Variants in CDH12 observed in about 807,000 individuals in gnomAD.
CDH12 encodes cadherin-12.
In CDH12, 41 loss-of-function variants were observed where a neutral mutation model predicts 74.1. The observed-to-expected ratio is 0.55, with a 90% CI of 0.43 to 0.72. The LOEUF (loss-of-function observed/expected upper bound fraction) is 0.72. Ranked by LOEUF, CDH12 falls within the 30% of genes least tolerant of loss-of-function variation. The pLI is 0.00. For missense variants in CDH12, 945 were observed against 977.2 expected (o/e 0.97, Z 0.44); for synonymous variants, 399 against 355.0 (o/e 1.12, Z -1.39).
chr5:22,368,421 C>T (rs1011397811), intron 3 of CDH12, among the ~76,000 whole-genome samples: 1 of 151,844 alleles, frequency 6.6e-6, no homozygotes, highest in Non-Finnish European at 1.5e-5. Flanking sequence ...AAGTCAGTCT[C>T]CCAAGTTGCT....
chr5:22,625,841 G>A (rs559716941), intron 1 of CDH12, among the ~76,000 whole-genome samples: 1 of 152,214 alleles, frequency 6.6e-6, no homozygotes, highest in Non-Finnish European at 1.5e-5. Flanking sequence ...GACTCAACCA[G>A]CCCACTTTCA....
chr5:21,906,690 G>A (rs1264544064), intron 6 of CDH12, among the ~76,000 whole-genome samples: 3 of 152,160 alleles, frequency 2.0e-5, no homozygotes, highest in African/African-American at 4.8e-5. Flanking sequence ...ACCTGTCACC[G>A]TTTGTGAGTC....
In CDH12 at chr5:21,752,003, T is replaced by G. The variant is rs752645141; in HGVS notation, c.2119A>C (p.Met707Leu). The change falls in exon 15 of 15, where the codon ATG (methionine) becomes CTG (leucine). Residue 707 changes from methionine (M) to leucine (L), a missense_variant. By Grantham distance (15) the Met-to-Leu change is conservative. This residue lies in a region of CDH12 where 791 missense variants were observed against 792.8 expected (regional missense o/e 1.00). Transcript: ENST00000382254. ...TCCCTTATGTCTGTGTTATCTTCCA[T>G]GGGTGGTCTCTGACGAGGTAAACAG... ...SLCLPRQRPP[M>L]EDNTDIRDFI... 4 of 1,614,098 alleles carry G rather than the reference T, an allele frequency of 2.5e-6. No individual in the cohort carries two copies. Among genetic ancestry groups the G allele is most frequent in the Non-Finnish European group, 2.5e-6 (3 of 1,179,984 alleles).
Position 21,764,997 on chromosome 5 carries a change from TCA to T in CDH12, c.1494_1495del (p.Cys498Ter). ...AGATACCTGTCCTGGCTTGGCATTT[TCA>T]CACACGGCTGTCTCATATGGCACAG... On this transcript the variant is annotated stop_gained and frameshift_variant, in exon 12 of 15. Transcript: ENST00000382254. LOFTEE classifies it high-confidence loss of function. 1.2e-6 allele frequency: 2 copies of T among 1,613,794 alleles called. No individual in the cohort carries two copies. The highest frequency in any genetic ancestry group is 1.1e-5 in the South Asian group (1 of 91,064).
chr5:22,359,238 T>C (rs1740694613), intron 3 of CDH12, among the ~76,000 whole-genome samples: 1 of 152,070 alleles, frequency 6.6e-6, no homozygotes, highest in Non-Finnish European at 1.5e-5. Flanking sequence ...GAGGAAGATC[T>C]ACCAAGCAAA....
intron 5 of CDH12, among the ~76,000 whole-genome samples, chr5:22,028,074 C>A (rs1390173446): frequency 6.6e-6 from 1 of 151,892 alleles, no homozygotes; most frequent in African/African-American, 2.4e-5. Flanking sequence ...CGTTATGTAC[C>A]CAGTAGTCAT....
chr5:22,100,833 G>T (rs1313356912), intron 4 of CDH12, among the ~76,000 whole-genome samples: 1 of 151,944 alleles, frequency 6.6e-6, no homozygotes, highest in African/African-American at 2.4e-5. Flanking sequence ...GGATATAAAT[G>T]GGTTTTCTTA....
intron 4 of CDH12, among the ~76,000 whole-genome samples, chr5:22,179,597 A>G (rs73742058): frequency 0.043 from 6,519 of 152,234 alleles, 471 homozygotes; most frequent in African/African-American, 0.15. Context: ...CCTTAAGAAC[A>G]ACTTTTTAGC....
chr5:22,565,855 T>C (rs965783886), intron 1 of CDH12, among the ~76,000 whole-genome samples: 1 of 152,148 alleles, frequency 6.6e-6, no homozygotes, highest in African/African-American at 2.4e-5. Flanking sequence ...AATTACATTT[T>C]ATTTTTTATC....
intron 1 of CDH12, among the ~76,000 whole-genome samples, chr5:22,821,632 T>C (rs1480194998): frequency 1.1e-4 from 16 of 152,132 alleles, no homozygotes; most frequent in African/African-American, 3.9e-4. Context: ...CCATTCACAA[T>C]TGCTTCAAAG....
Position 22,837,012 on chromosome 5 carries a change from T to C in CDH12, c.-523+16046A>G, listed in dbSNP as rs375922629. Among the ~76,000 whole-genome samples the C allele has an allele frequency of 9.9e-5, 15 of 152,212 alleles. No individual in the cohort carries two copies. In the East Asian group the frequency reaches 2.3e-3, roughly 23 times the overall value. Reference sequence around the variant, plus strand: ...TTTGTTCTTTTCAATACTATACACATAATGCTTAGAGCAACAGAGTGTGAC... The same window carrying C: ...TTTGTTCTTTTCAATACTATACACACAATGCTTAGAGCAACAGAGTGTGAC... On this transcript the variant is annotated intron_variant, in intron 1 of 14. Coordinates refer to ENST00000382254, the MANE Select transcript of CDH12 (RefSeq NM_004061.5).
At chr5:21,923,031 T>G (rs7736965) in intron 6 of CDH12, among the ~76,000 whole-genome samples, 146,360 of 152,034 alleles carry the variant, frequency 0.96, 70,595 homozygotes, top group East Asian at 1. Context: ...CACTCTCCAA[T>G]AGGTCAATTT....
chr5:21,783,291 A>T, intron 11 of CDH12, 67 bp downstream of exon 11: 1 of 1,357,336 alleles, frequency 7.4e-7, no homozygotes, highest in Non-Finnish European at 1.0e-6. Flanking sequence ...CTCAGCAGGG[A>T]CTCATTTAAG....
At chr5:22,312,448 C>T (rs1252632762) in intron 3 of CDH12, among the ~76,000 whole-genome samples, 1 of 151,990 alleles carries the variant, frequency 6.6e-6, no homozygotes, top group Non-Finnish European at 1.5e-5. Flanking sequence ...TAAATGTATT[C>T]ATTCATTATT....
intron 1 of CDH12, among the ~76,000 whole-genome samples, chr5:22,747,985 C>T (rs1329369372): frequency 6.6e-6 from 1 of 152,134 alleles, no homozygotes; most frequent in East Asian, 1.9e-4. Context: ...ATAAAGAGCA[C>T]ACATTCACTA....
At chr5:21,834,870 G>T (rs921795392) in intron 8 of CDH12, among the ~76,000 whole-genome samples, 3 of 151,888 alleles carry the variant, frequency 2.0e-5, no homozygotes, top group African/African-American at 7.3e-5. Flanking sequence ...TCATTTAATA[G>T]TTGTAGATTT....
intron 2 of CDH12, among the ~76,000 whole-genome samples, chr5:22,494,885 C>T (rs1051797650): frequency 1.6e-4 from 24 of 152,080 alleles, no homozygotes; most frequent in African/African-American, 5.6e-4. Context: ...GTAGTGATAC[C>T]CCGGATACAT....
At chr5:22,789,146 GAAAAT>G (rs1747787983) in intron 1 of CDH12, among the ~76,000 whole-genome samples, 1 of 151,148 alleles carries the variant, frequency 6.6e-6, no homozygotes, top group South Asian at 2.1e-4. Context: ...ATGTGAGAAA[GAAAAT>G]AAAAGGAAAA....
chr5:22,662,746 A>G (rs996284638), intron 1 of CDH12, among the ~76,000 whole-genome samples: 1 of 152,176 alleles, frequency 6.6e-6, no homozygotes, highest in South Asian at 2.1e-4. Context: ...CTGGCACAGG[A>G]TTTTAACATC....
Sources: gnomAD v4.1 joint callset for allele counts (sites outside exome capture counted in the v4.1 genomes callset) on GRCh38, gnomAD v4.1.1 for gene constraint, gnomAD v4.1.1 regional missense constraint, MANE v1.5 for transcripts, NCBI Gene and HGNC (gene_info 2026-07-23, HGNC 2026-07-21) for gene names.